Variants in MCC observed in about 807,000 individuals in gnomAD.
MCC encodes MCC regulator of Wnt signaling pathway, also known as colorectal mutant cancer protein.
A neutral mutation model predicts 116.2 loss-of-function variants in MCC; 90 were observed. That is an observed-to-expected ratio of 0.77 (90% CI 0.65 to 0.92). MCC has a LOEUF of 0.92. Among genes scored for constraint, MCC ranks in the 40% least tolerant of loss-of-function variants. The pLI, the probability that MCC is intolerant of heterozygous loss-of-function variation, is 0.00. For synonymous variants in MCC, 578 were observed against 510.5 expected (o/e 1.13, Z -1.78); for missense variants, 1,516 against 1,312.2 (o/e 1.16, Z -2.40).
intron 3 of MCC, among the ~76,000 whole-genome samples, chr5:113,285,127 G>A (rs559380458): frequency 7.2e-5 from 11 of 152,164 alleles, no homozygotes; most frequent in African/African-American, 2.4e-4. Context: ...TATTTTTATG[G>A]TACATAATAA....
chr5:113,466,112 G>C (rs1771897163), intron 1 of MCC, among the ~76,000 whole-genome samples: 1 of 152,006 alleles, frequency 6.6e-6, no homozygotes, highest in Non-Finnish European at 1.5e-5. Context: ...GAGTCAATCT[G>C]GCTGGAAGCA....
intron 2 of MCC, among the ~76,000 whole-genome samples, chr5:113,364,238 G>GAAAAAAAAAAA (rs60976854): frequency 2.0e-5 from 1 of 49,430 alleles, no homozygotes; most frequent in Non-Finnish European, 3.6e-5. Context: ...CTCAAAAACA[G>GAAAAAAAAAAA]AAAAAAAAAA....
chr5:113,125,837 T>A (rs1356283673), intron 5 of MCC, among the ~76,000 whole-genome samples: 1 of 152,140 alleles, frequency 6.6e-6, no homozygotes, highest in Non-Finnish European at 1.5e-5. Context: ...TTGTTGTATA[T>A]ACAGGCATTC....
rs894028752 is a variant in MCC at position 113,067,953 on chromosome 5, G to A, written c.2029+127C>T. The A allele has an allele frequency of 1.1e-5, 8 of 760,800 alleles. No individual in the cohort carries two copies. The East Asian group carries it at 1.5e-4, about 15-fold the overall frequency. 47.1% of individuals were successfully genotyped at this position (760,800 alleles called of 1,614,324 possible). On this transcript the variant is annotated intron_variant, in intron 13 of 18. Coordinates refer to ENST00000408903, the MANE Select transcript of MCC (RefSeq NM_001085377.2). ...TACCCATTCAGTCATGAGGAAAAAC[G>A]AAAAACACACTTGACAACCAAATTT...
chr5:113,329,431 C>A (rs1487814283), intron 3 of MCC, among the ~76,000 whole-genome samples: 1 of 142,810 alleles, frequency 7.0e-6, no homozygotes, highest in Non-Finnish European at 1.5e-5. Context: ...TACATATATA[C>A]ACACATACAT....
intron 1 of MCC, among the ~76,000 whole-genome samples, chr5:113,463,481 T>A (rs372159202): frequency 7.5e-4 from 114 of 152,264 alleles, no homozygotes; most frequent in African/African-American, 2.6e-3. Context: ...TAGGACTTGG[T>A]GATGAAATCA....
intron 13 of MCC, among the ~76,000 whole-genome samples, chr5:113,065,112 C>G (rs575039879): frequency 6.6e-6 from 1 of 152,128 alleles, no homozygotes; most frequent in African/African-American, 2.4e-5. Flanking sequence ...GATACTGTAA[C>G]CGTGGACTCA....
At chr5:113,176,468 C>T (rs879252262) in intron 3 of MCC, among the ~76,000 whole-genome samples, 1 of 152,254 alleles carries the variant, frequency 6.6e-6, no homozygotes, top group Admixed American at 6.5e-5. Flanking sequence ...GAAGCTCTAG[C>T]ATGTTCCTCA....
intron 8 of MCC, 171 bp downstream of exon 8, chr5:113,101,568 C>G (rs1480236037): frequency 6.3e-6 from 4 of 631,968 alleles, no homozygotes; most frequent in South Asian, 1.9e-5. Flanking sequence ...TACCTCTATA[C>G]CTTAGCAATT....
chr5:113,290,880 C>T (rs1766468505), intron 3 of MCC, among the ~76,000 whole-genome samples: 1 of 152,054 alleles, frequency 6.6e-6, no homozygotes, highest in Non-Finnish European at 1.5e-5. Context: ...AAAAAAAATC[C>T]CTTCAAATCT....
intron 13 of MCC, among the ~76,000 whole-genome samples, chr5:113,066,706 GGAA>G (rs572392735): frequency 1.2e-3 from 181 of 152,334 alleles, no homozygotes; most frequent in African/African-American, 4.1e-3. Context: ...GGAGGAGCGG[GGAA>G]GAAGGACAGG....
chr5:113,170,868 C>T (rs1561424194), intron 3 of MCC, among the ~76,000 whole-genome samples: 1 of 152,062 alleles, frequency 6.6e-6, no homozygotes, highest in Non-Finnish European at 1.5e-5. Context: ...AGAGTCAGAT[C>T]CAAATATTGC....
chr5:113,417,891 C>T (rs576072200), intron 1 of MCC, among the ~76,000 whole-genome samples: 111 of 151,600 alleles, frequency 7.3e-4, no homozygotes, highest in African/African-American at 2.6e-3. Flanking sequence ...TGAGATAGTG[C>T]TACTGCACTC....
intron 3 of MCC, among the ~76,000 whole-genome samples, chr5:113,326,511 A>G (rs1327843396): frequency 6.6e-6 from 1 of 152,204 alleles, no homozygotes; most frequent in African/African-American, 2.4e-5. Context: ...GGCCTAAGCT[A>G]GTTCCCTTTA....
chr5:113,086,923 A>C (rs2150245653), intron 8 of MCC, among the ~76,000 whole-genome samples: 1 of 152,380 alleles, frequency 6.6e-6, no homozygotes, highest in Non-Finnish European at 1.5e-5. Flanking sequence ...GATGAAGCCC[A>C]AGATCTGCAT....
At chr5:113,298,499 G>A (rs572868369) in intron 3 of MCC, among the ~76,000 whole-genome samples, 7 of 152,312 alleles carry the variant, frequency 4.6e-5, no homozygotes, top group Non-Finnish European at 8.8e-5. Flanking sequence ...TAAATTTGAT[G>A]GTGACAGGAA....
chr5:113,192,280 T>C (rs1762185548), intron 3 of MCC, among the ~76,000 whole-genome samples: 1 of 152,218 alleles, frequency 6.6e-6, no homozygotes, highest in African/African-American at 2.4e-5. Context: ...ACCTTTGAGA[T>C]GTGCAGTCTA....
intron 3 of MCC, among the ~76,000 whole-genome samples, chr5:113,169,651 G>T (rs1760969911): frequency 6.6e-6 from 1 of 151,924 alleles, no homozygotes; most frequent in South Asian, 2.1e-4. Context: ...TCTGGCCATG[G>T]GGAGACACAA....
rs187588143 is a variant in MCC, at chr5:113,346,978, A to T, written c.416-6248T>A. Among the ~76,000 whole-genome samples, 502 of 152,182 alleles carry T rather than the reference A, an allele frequency of 3.3e-3. 2 individuals are homozygous for T. Among genetic ancestry groups the T allele is most frequent in the African/African-American group, 0.011 (472 of 41,554 alleles). On this transcript the variant is annotated intron_variant, in intron 2 of 18. Transcript: ENST00000408903. Reference sequence around the variant, plus strand: ...AAACCCTTTTACACTAGAATAGTATATCTGGTGAAAATATCCTTCAAACAT... The same window carrying T: ...AAACCCTTTTACACTAGAATAGTATTTCTGGTGAAAATATCCTTCAAACAT...
Sources: allele counts gnomAD v4.1 joint callset (sites outside exome capture counted in the v4.1 genomes callset), GRCh38; gene constraint gnomAD v4.1.1; transcripts MANE v1.5; gene names NCBI Gene and HGNC (gene_info 2026-07-23, HGNC 2026-07-21).